SCNN1B: variants seen among roughly 807,000 people sequenced by gnomAD.
SCNN1B encodes epithelial sodium channel subunit beta.
SCNN1B carries 46 observed loss-of-function variants against 65.3 expected under a neutral mutation model. The observed-to-expected ratio is 0.70, with a 90% CI of 0.56 to 0.90. The LOEUF (loss-of-function observed/expected upper bound fraction) is 0.90. Ranked by LOEUF, SCNN1B falls within the 40% of genes least tolerant of loss-of-function variation. The pLI, the probability that SCNN1B is intolerant of heterozygous loss-of-function variation, is 0.00. For synonymous variants in SCNN1B, 349 were observed against 330.6 expected (o/e 1.06, Z -0.60); for missense variants, 751 against 830.5 (o/e 0.90, Z 1.18).
chr16:23,283,237 C>T (rs1180460085), intron 1 of SCNN1B, among the ~76,000 whole-genome samples: 1 of 152,156 alleles, frequency 6.6e-6, no homozygotes, highest in African/African-American at 2.4e-5. Flanking sequence ...ATGGTGAAAC[C>T]CCATCTCTAC....
At chr16:23,303,752 CA>C (rs57357047) in intron 1 of SCNN1B, among the ~76,000 whole-genome samples, 17,903 of 109,914 alleles carry the variant, frequency 0.16, 2,275 homozygotes, top group African/African-American at 0.39. Context: ...CCCATTTCTA[CA>C]AAAAAAAAAA....
intron 4 of SCNN1B, among the ~76,000 whole-genome samples, chr16:23,356,152 C>T (rs1254031879): frequency 6.6e-6 from 1 of 152,178 alleles, no homozygotes; most frequent in Admixed American, 6.5e-5. Flanking sequence ...GTCTCCTAAC[C>T]TCCCAGACCT....
upstream of SCNN1B, among the ~76,000 whole-genome samples, chr16:23,300,689 T>A (rs1961063028): frequency 6.6e-6 from 1 of 152,080 alleles, no homozygotes; most frequent in Non-Finnish European, 1.5e-5. Flanking sequence ...AAACTTTTTT[T>A]AATTAGCCGG....
intron 1 of SCNN1B, among the ~76,000 whole-genome samples, chr16:23,325,374 C>T (rs552168787): frequency 4.6e-5 from 7 of 152,144 alleles, no homozygotes; most frequent in Non-Finnish European, 7.4e-5. Flanking sequence ...TCAAGTGACT[C>T]TCCTGCCTCA....
intron 1 of SCNN1B, among the ~76,000 whole-genome samples, chr16:23,279,777 C>T (rs1035802106): frequency 2.6e-5 from 4 of 152,118 alleles, no homozygotes; most frequent in African/African-American, 9.7e-5. Context: ...TAAACCCAGC[C>T]AGGCATGACT....
intron 11 of SCNN1B, among the ~76,000 whole-genome samples, chr16:23,379,433 G>C (rs140819425): frequency 6.6e-6 from 1 of 152,252 alleles, no homozygotes; most frequent in East Asian, 1.9e-4. Flanking sequence ...TGAGAGATAA[G>C]GGAGGTCTGC....
upstream of SCNN1B, among the ~76,000 whole-genome samples, chr16:23,299,059 CTTTTTTT>C (rs552336545): frequency 4.6e-5 from 6 of 130,556 alleles, no homozygotes; most frequent in East Asian, 6.7e-4. Flanking sequence ...TTTTCTTTTT[CTTTTTTT>C]TTTTTTTTTT....
intron 1 of SCNN1B, among the ~76,000 whole-genome samples, chr16:23,314,578 C>T (rs1001834872): frequency 2.0e-5 from 3 of 152,106 alleles, no homozygotes; most frequent in African/African-American, 7.2e-5. Flanking sequence ...CTTGCCTCTC[C>T]TCAGCTTCTT....
At chr16:23,373,355 T>G (rs1023721299) in intron 7 of SCNN1B, among the ~76,000 whole-genome samples, 1 of 152,204 alleles carries the variant, frequency 6.6e-6, no homozygotes, top group Admixed American at 6.5e-5. Flanking sequence ...CTTGAACTCC[T>G]GGGCTCAAGC....
chr16:23,352,957 G>A lies in SCNN1B; in HGVS notation c.468G>A (p.Arg156=). 3 of 1,614,160 alleles carry A rather than the reference G, an allele frequency of 1.9e-6. No homozygotes were observed. Among genetic ancestry groups the A allele is most frequent in the Non-Finnish European group, 2.5e-6 (3 of 1,180,032 alleles). The part of the protein sequence containing the change: ...NHTPLVLIDE[R]NPHHPMVLDL... ...CACCCCTGGTCCTTATTGATGAACG[G>A]AACCCCCACCACCCCATGGTCCTTG... Residue 156 remains arginine (R), a synonymous_variant, in exon 3 of 13, where the codon CGG becomes CGA. Coordinates refer to ENST00000343070, the MANE Select transcript of SCNN1B (RefSeq NM_000336.3).
At chr16:23,333,699 C>G (rs916134720) in intron 1 of SCNN1B, among the ~76,000 whole-genome samples, 4 of 152,164 alleles carry the variant, frequency 2.6e-5, no homozygotes, top group Admixed American at 1.3e-4. Flanking sequence ...TGGCTGGATG[C>G]AATGGCTCGC....
Position 23,375,818 on chromosome 16 carries a change from G to A in SCNN1B, c.1233G>A (p.Gly411=). The change falls in exon 8 of 13, where the codon GGG becomes GGA. Residue 411 remains glycine, a synonymous_variant. Transcript: ENST00000343070. The stretch of plus-strand genomic sequence containing the variant: ...ACTACCTGTACCCACTGCCCCGTGG[G>A]GAGAAATACTGCAACAACCGGGACT... ...CGHYLYPLPR[G]EKYCNNRDFP... is the part of the protein sequence containing the mutation. 1 of 1,614,018 alleles carries A rather than the reference G, an allele frequency of 6.2e-7. No homozygotes were observed. Among genetic ancestry groups the A allele is most frequent in the South Asian group, 1.1e-5 (1 of 91,086 alleles).
At chr16:23,303,854 G>A (rs1382162546) in intron 1 of SCNN1B, 1 of 596,296 alleles carries the variant, frequency 1.7e-6, no homozygotes, top group Non-Finnish European at 3.0e-6. Flanking sequence ...AGGAGGTGGA[G>A]GTTGCAGTGA....
intron 1 of SCNN1B, among the ~76,000 whole-genome samples, chr16:23,311,906 C>A (rs1174881395): frequency 6.6e-6 from 1 of 152,134 alleles, no homozygotes; most frequent in Non-Finnish European, 1.5e-5. Flanking sequence ...TGGCCATGGG[C>A]CTGTACAGGG....
intron 2 of SCNN1B, among the ~76,000 whole-genome samples, chr16:23,292,880 C>T (rs1464703436): frequency 2.7e-5 from 4 of 149,592 alleles, no homozygotes; most frequent in Non-Finnish European, 3.0e-5. Flanking sequence ...TTTGGGAGCC[C>T]GAGGTGGGTG....
intron 2 of SCNN1B, among the ~76,000 whole-genome samples, chr16:23,292,199 T>TA (rs1172661392): frequency 3.4e-5 from 5 of 148,824 alleles, no homozygotes; most frequent in African/African-American, 1.2e-4. Context: ...TTTCTTTATT[T>TA]TTTTTTTTTT....
At chr16:23,338,535 G>T (rs892814652) in intron 1 of SCNN1B, among the ~76,000 whole-genome samples, 6 of 152,194 alleles carry the variant, frequency 3.9e-5, no homozygotes, top group African/African-American at 1.4e-4. Flanking sequence ...AGGTTTTGCT[G>T]CGAAAATAAG....
Position 23,348,707 on chromosome 16 carries a change from C to T in SCNN1B, c.108C>T (p.His36=), listed in dbSNP as rs766887632. The T allele has an allele frequency of 1.5e-5, 25 of 1,614,016 alleles. No homozygotes were observed. The highest frequency in any genetic ancestry group is 1.3e-4 in the South Asian group (12 of 91,068). The change falls in exon 2 of 13, where the codon CAC becomes CAT. Residue 36 remains histidine (H), a synonymous_variant. Transcript: ENST00000343070. The surrounding 1 kb of genome is among the most constrained non-coding windows in gnomAD (Gnocchi z 4.5). ...LVWYCDNTNT[H]GPKRIICEGP... is the part of the protein sequence containing the mutation. ...GGTACTGCGACAACACCAACACCCA[C>T]GGCCCCAAGCGCATCATCTGTGAGG...
At chr16:23,294,778 A>C (rs1222042745) in intron 2 of SCNN1B, among the ~76,000 whole-genome samples, 1 of 152,070 alleles carries the variant, frequency 6.6e-6, no homozygotes, top group Non-Finnish European at 1.5e-5. Context: ...GGATCACTTC[A>C]GGTCAGGAGC....
Sources: gnomAD v4.1 joint callset for allele counts (sites outside exome capture counted in the v4.1 genomes callset) on GRCh38, gnomAD v4.1.1 for gene constraint, Gnocchi (gnomAD v3.1) non-coding constraint, MANE v1.5 for transcripts, NCBI Gene and HGNC (gene_info 2026-07-23, HGNC 2026-07-21) for gene names.